The following ARHGAP22 variants were observed in gnomAD, a reference collection of about 807,000 sequenced individuals.
The protein encoded by ARHGAP22 is rho GTPase-activating protein 22.
ARHGAP22 carries 48 observed loss-of-function variants against 59.1 expected under a neutral mutation model. That is an observed-to-expected ratio of 0.81 (90% CI 0.64 to 1.03). The LOEUF is 1.03. Ranked by LOEUF, ARHGAP22 falls within the 50% of genes least tolerant of loss-of-function variation. ARHGAP22 has a pLI of 0.00. For missense variants in ARHGAP22, 1,015 were observed against 958.7 expected (o/e 1.06, Z -0.78); for synonymous variants, 445 against 416.4 (o/e 1.07, Z -0.84).
chr10:48,587,109 G>A (rs1388655828), intron 1 of ARHGAP22, among the ~76,000 whole-genome samples: 4 of 152,326 alleles, frequency 2.6e-5, no homozygotes, highest in East Asian at 1.9e-4. Context: ...AGGGTGAGCC[G>A]AGCCTCTGAT....
At chr10:48,476,568 G>A (rs533596435) in intron 4 of ARHGAP22, among the ~76,000 whole-genome samples, 28 of 152,328 alleles carry the variant, frequency 1.8e-4, no homozygotes, top group Middle Eastern at 3.4e-3. Context: ...GCCCAGACAC[G>A]TCTGGCATCG....
intron 1 of ARHGAP22, among the ~76,000 whole-genome samples, chr10:48,602,229 C>T: frequency 6.6e-6 from 1 of 152,244 alleles, no homozygotes; most frequent in Non-Finnish European, 1.5e-5. Context: ...TCTCTCCCCA[C>T]CCCCAAAGTA....
chr10:48,619,295 A>T (rs886195332), intron 1 of ARHGAP22, among the ~76,000 whole-genome samples: 1 of 152,196 alleles, frequency 6.6e-6, no homozygotes, highest in African/African-American at 2.4e-5. Flanking sequence ...ATTCAGTGAA[A>T]TCTCTGTAAA....
chr10:48,552,157 A>T (rs745754302), intron 3 of ARHGAP22, among the ~76,000 whole-genome samples: 1 of 152,292 alleles, frequency 6.6e-6, no homozygotes, highest in Non-Finnish European at 1.5e-5. Context: ...AATTCTAGGC[A>T]TGACCTTCCT....
intron 5 of ARHGAP22, among the ~76,000 whole-genome samples, chr10:48,457,383 G>A (rs1483117283): frequency 1.3e-5 from 2 of 152,176 alleles, no homozygotes; most frequent in South Asian, 2.1e-4. Context: ...CACCCTGGGA[G>A]GTTCCCTACC....
rs910049206 is a variant in ARHGAP22, at chr10:48,645,499, C to A, written c.52+6735G>T. Among the ~76,000 whole-genome samples the A allele has an allele frequency of 4.6e-5, 7 of 152,236 alleles. No individual in the cohort carries two copies. The South Asian group carries it at 1.2e-3, about 27-fold the overall frequency. ...CAATTAATGTTGTACATCTATTACACATCTATATATTTTATTAATAGAAAT... is the reference window on the plus strand; with the variant it reads ...CAATTAATGTTGTACATCTATTACAAATCTATATATTTTATTAATAGAAAT... On this transcript the variant is annotated intron_variant, in intron 1 of 9. Transcript: ENST00000435790.
intron 4 of ARHGAP22, among the ~76,000 whole-genome samples, chr10:48,460,623 G>A (rs1332714434): frequency 1.3e-5 from 2 of 152,014 alleles, no homozygotes; most frequent in Admixed American, 6.6e-5. Context: ...CCCTCCCCTG[G>A]GTATATACCT....
chr10:48,498,829 A>G (rs1054976341), intron 3 of ARHGAP22, among the ~76,000 whole-genome samples: 5 of 152,196 alleles, frequency 3.3e-5, no homozygotes, highest in African/African-American at 9.6e-5. Flanking sequence ...CCATTGAAAG[A>G]GGTGCATACC....
intron 1 of ARHGAP22, among the ~76,000 whole-genome samples, chr10:48,597,552 T>G (rs2060140833): frequency 6.6e-6 from 1 of 152,096 alleles, no homozygotes; most frequent in Non-Finnish European, 1.5e-5. Flanking sequence ...CTTCCTAGAC[T>G]GTGGTGAGGA....
At chr10:48,595,176 G>A (rs1460433347) in intron 1 of ARHGAP22, among the ~76,000 whole-genome samples, 1 of 152,150 alleles carries the variant, frequency 6.6e-6, no homozygotes, top group Admixed American at 6.5e-5. Context: ...AGTGGCTGTA[G>A]GACAAGAGAG....
intron 4 of ARHGAP22, 123 bp from the exon 5 acceptor site, chr10:48,460,014 A>G (rs2133795076): frequency 1.0e-6 from 1 of 970,766 alleles, no homozygotes; most frequent in East Asian, 2.6e-5. Flanking sequence ...AGCAAATTAC[A>G]CACTGGGAGG....
chr10:48,501,491 C>T (rs2051517921), intron 3 of ARHGAP22, among the ~76,000 whole-genome samples: 1 of 152,202 alleles, frequency 6.6e-6, no homozygotes, highest in Non-Finnish European at 1.5e-5. Flanking sequence ...TGAAGGCATA[C>T]ACCTGATGGG....
In ARHGAP22 at chr10:48,455,003, T is replaced by TC; in HGVS notation, c.790dup (p.Glu264GlyfsTer8). On this transcript the variant is annotated frameshift_variant and splice_region_variant, in exon 6 of 10. Coordinates refer to ENST00000249601, the MANE Select transcript of ARHGAP22 (RefSeq NM_021226.4). LOFTEE classifies it high-confidence loss of function. ...GAGCTATCCCCAGGAGCCACTGACC[T>TC]CCCCCTCGTCCTTGGTGAGCAGCTG... 6.3e-7 allele frequency: 1 copy of TC among 1,591,254 alleles called. No individual in the cohort carries two copies. Among genetic ancestry groups the TC allele is most frequent in the Non-Finnish European group, 8.6e-7 (1 of 1,164,794 alleles).
chr10:48,601,518 C>T (rs1340467157), intron 1 of ARHGAP22, among the ~76,000 whole-genome samples: 1 of 151,974 alleles, frequency 6.6e-6, no homozygotes, highest in Non-Finnish European at 1.5e-5. Flanking sequence ...TGATTTTTTC[C>T]TTTTAAGTGT....
rs1248038661 is a variant in ARHGAP22, at chr10:48,641,490, A to G, written c.52+10744T>C. ...CAGCATATAAACAGAACCAAAGACA[A>G]AAACCACATGATATCTCAATAGACG... is the stretch of plus-strand genomic sequence containing the variant. On this transcript the variant is annotated intron_variant, in intron 1 of 9. Coordinates refer to the ARHGAP22 transcript ENST00000435790. 3.9e-5 allele frequency among the ~76,000 whole-genome samples: 6 copies of G among 152,350 alleles called. 1 individual carries two copies. In the East Asian group the frequency reaches 1.2e-3, roughly 29 times the overall value.
chr10:48,541,352 G>A (rs549700615), intron 3 of ARHGAP22, among the ~76,000 whole-genome samples: 2 of 152,224 alleles, frequency 1.3e-5, no homozygotes, highest in African/African-American at 4.8e-5. Context: ...TTTGTTCTGC[G>A]CTGGCACAAG....
At chr10:48,495,659 C>G (rs779878709) in intron 3 of ARHGAP22, among the ~76,000 whole-genome samples, 7 of 152,220 alleles carry the variant, frequency 4.6e-5, no homozygotes, top group Non-Finnish European at 7.3e-5. Flanking sequence ...TAGTCAGACT[C>G]TTGTGTAATT....
intron 3 of ARHGAP22, among the ~76,000 whole-genome samples, chr10:48,549,274 T>C (rs1311044791): frequency 6.6e-6 from 1 of 152,176 alleles, no homozygotes; most frequent in Non-Finnish European, 1.5e-5. Flanking sequence ...TCCTCTTTGC[T>C]GTGGTCAGGC....
At chr10:48,439,093 A>G in the ARHGAP22 span, 3 of 152,032 alleles carry the variant, frequency 2.0e-5, no homozygotes, top group Admixed American at 6.6e-5. Flanking sequence ...AAACCTGAGT[A>G]TGATAGCTGA....
Sources: gnomAD v4.1 joint callset for allele counts (sites outside exome capture counted in the v4.1 genomes callset) on GRCh38, gnomAD v4.1.1 for gene constraint, MANE v1.5 for transcripts, NCBI Gene and HGNC (gene_info 2026-07-23, HGNC 2026-07-21) for gene names.